ABCB11: variants seen among roughly 807,000 people sequenced by gnomAD.
ABCB11 encodes the protein bile salt export pump.
Under a neutral mutation model 148.0 loss-of-function variants are expected in ABCB11, and 95 were observed. The observed-to-expected ratio is 0.64, with a 90% confidence interval of 0.54 to 0.76. ABCB11 has a LOEUF of 0.76. Among genes scored for constraint, ABCB11 ranks in the 30% least tolerant of loss-of-function variants. ABCB11 has a pLI of 0.00. For missense variants in ABCB11, 1,523 were observed against 1,617.8 expected (o/e 0.94, Z 1.01); for synonymous variants, 591 against 555.4 (o/e 1.06, Z -0.90).
intron 15 of ABCB11, 71 bp downstream of exon 15, chr2:168,969,974 G>A: frequency 7.7e-7 from 1 of 1,298,878 alleles, no homozygotes; most frequent in Non-Finnish European, 1.1e-6. Context: ...ACCCCACAAG[G>A]AGCTGCCTTT....
At chr2:169,021,784 A>C (rs1206986629) in intron 1 of ABCB11, among the ~76,000 whole-genome samples, 2 of 152,196 alleles carry the variant, frequency 1.3e-5, no homozygotes, top group Admixed American at 6.5e-5. Context: ...GATTTTCATG[A>C]CAAATTTCAT....
chr2:169,015,529 C>T (rs927938040), intron 3 of ABCB11, among the ~76,000 whole-genome samples: 3 of 152,058 alleles, frequency 2.0e-5, no homozygotes, highest in African/African-American at 4.8e-5. Flanking sequence ...CCTCTGGGTG[C>T]GGGCACCTGC....
rs867525294 is a variant in ABCB11, at chr2:168,964,289, A to G, written c.2095T>C (p.Ser699Pro). Residue 699 changes from serine to proline, a missense_variant, in exon 18 of 28, where the codon TCC becomes CCC. Ser to Pro is a moderately conservative substitution (Grantham distance 74). Transcript: ENST00000650372. ...ACCAGGTAAGAAAGCTGAGACTTGG[A>G]GCGTTGCCGGATGGAAGCCCTGTAA... is the stretch of plus-strand genomic sequence containing the variant. ...DSLRASIRQRSKSQLSYLVHE... is the reference protein window; with the variant it reads ...DSLRASIRQRPKSQLSYLVHE... The G allele has an allele frequency of 2.6e-6, 4 of 1,567,028 alleles. No homozygotes were observed. Among genetic ancestry groups the G allele is most frequent in the Non-Finnish European group, 3.5e-6 (4 of 1,154,140 alleles).
intron 21 of ABCB11, 51 bp downstream of exon 21, chr2:168,944,554 A>T: frequency 6.6e-7 from 1 of 1,520,208 alleles, no homozygotes; most frequent in South Asian, 1.3e-5. Context: ...TGCTCTAATG[A>T]AAGAATGCCA....
intron 10 of ABCB11, among the ~76,000 whole-genome samples, chr2:168,981,784 G>A (rs1432584688): frequency 1.3e-5 from 2 of 152,168 alleles, no homozygotes; most frequent in Non-Finnish European, 2.9e-5. Flanking sequence ...TATGGGCTCT[G>A]AAGTAATTAC....
intron 11 of ABCB11, among the ~76,000 whole-genome samples, 181 bp from the exon 12 acceptor site, chr2:168,976,868 A>G (rs1693929010): frequency 1.3e-5 from 2 of 150,976 alleles, no homozygotes; most frequent in African/African-American, 4.9e-5. Flanking sequence ...CTTAGTTTGC[A>G]TGTATCTTAA....
intron 17 of ABCB11, among the ~76,000 whole-genome samples, chr2:168,965,607 G>C (rs1249244557): frequency 6.6e-6 from 1 of 151,748 alleles, no homozygotes; most frequent in Non-Finnish European, 1.5e-5. Context: ...TCAGTCATTT[G>C]TAAACAGTCT....
Position 169,013,529 on chromosome 2 carries a change from C to T in ABCB11, c.151-19G>A, listed in dbSNP as rs1212169792. The T allele has an allele frequency of 3.8e-6, 6 of 1,598,626 alleles. No individual in the cohort carries two copies. Among genetic ancestry groups the T allele is most frequent in the Non-Finnish European group, 5.1e-6 (6 of 1,167,420 alleles). On this transcript the variant is annotated intron_variant, in intron 4 of 27. Coordinates refer to ENST00000650372, the MANE Select transcript of ABCB11 (RefSeq NM_003742.4). Reference sequence around the variant, plus strand: ...ACCGAAACTTGAAAAACAAAGGGTTCAGAGATCATCTATGGGTGAAGAGCA... The same window carrying T: ...ACCGAAACTTGAAAAACAAAGGGTTTAGAGATCATCTATGGGTGAAGAGCA...
chr2:168,935,154 C>G, intron 23 of ABCB11, 30 bp downstream of exon 23: 2 of 1,611,816 alleles, frequency 1.2e-6, no homozygotes, highest in Non-Finnish European at 8.5e-7. Context: ...GTGTGTTGAT[C>G]TTTTCTCACC....
chr2:168,971,208 G>A (rs920309445), intron 14 of ABCB11, among the ~76,000 whole-genome samples: 1 of 151,968 alleles, frequency 6.6e-6, no homozygotes, highest in African/African-American at 2.4e-5. Context: ...TGCTCAACAG[G>A]GTTGTTGTGA....
chr2:169,003,998 T>C lies in ABCB11; in HGVS notation c.390-7276A>G, dbSNP rs12622271. On this transcript the variant is annotated intron_variant, in intron 5 of 27. Transcript: ENST00000650372. ...TAGGACCCCAATCCCTTCTAGCTTG[T>C]AGGGTTTCTGCTGAGAAGTCTGTTT... Among the ~76,000 whole-genome samples, 1,849 of 152,308 alleles carry C rather than the reference T, an allele frequency of 0.012. 138 individuals carry two copies. The East Asian group carries it at 0.23, about 19-fold the overall frequency.
At chr2:169,020,965 C>A (rs1022860992) in intron 1 of ABCB11, among the ~76,000 whole-genome samples, 1 of 145,768 alleles carries the variant, frequency 6.9e-6, no homozygotes, top group Non-Finnish European at 1.5e-5. Flanking sequence ...AAGACATACA[C>A]TTTTTTTTTT....
intron 11 of ABCB11, among the ~76,000 whole-genome samples, 160 bp downstream of exon 11, chr2:168,979,706 G>A (rs1694067937): frequency 6.7e-6 from 1 of 148,470 alleles, no homozygotes; most frequent in Admixed American, 6.7e-5. Flanking sequence ...AAAAGAATTG[G>A]CACCAGCACA....
intron 6 of ABCB11, 112 bp from the exon 7 acceptor site, chr2:168,995,594 T>C (rs1290969685): frequency 2.0e-5 from 23 of 1,165,614 alleles, no homozygotes; most frequent in African/African-American, 3.2e-5. Context: ...GGGAAAGTAA[T>C]TCAGAAAATG....
chr2:169,005,532 G>A (rs1003992260), intron 5 of ABCB11, among the ~76,000 whole-genome samples: 2 of 152,068 alleles, frequency 1.3e-5, no homozygotes, highest in African/African-American at 4.8e-5. Context: ...CAGTACTAGA[G>A]GTTAATCTCA....
At chr2:168,917,145 T>C (rs1449032071), downstream of ABCB11, among the ~76,000 whole-genome samples, 3 of 152,128 alleles carry the variant, frequency 2.0e-5, no homozygotes, top group Non-Finnish European at 4.4e-5. Flanking sequence ...TGAAATAATT[T>C]CCTAAGGGCA....
chr2:168,963,746 T>A (rs1488594032), intron 18 of ABCB11, among the ~76,000 whole-genome samples: 1 of 151,848 alleles, frequency 6.6e-6, no homozygotes, highest in Non-Finnish European at 1.5e-5. Flanking sequence ...TTTGATAACT[T>A]GTAATAAGGG....
intron 1 of ABCB11, among the ~76,000 whole-genome samples, chr2:169,024,437 CA>C (rs1480082726): frequency 3.3e-5 from 5 of 151,574 alleles, no homozygotes; most frequent in Non-Finnish European, 7.4e-5. Flanking sequence ...CAAATTAGAG[CA>C]GTTTTGATTT....
chr2:168,962,051 A>G (rs1693102501), intron 18 of ABCB11, among the ~76,000 whole-genome samples: 1 of 151,756 alleles, frequency 6.6e-6, no homozygotes. Context: ...TCATAAGTCA[A>G]ATTTTATTAA....
Sources: gnomAD v4.1 joint callset for allele counts (sites outside exome capture counted in the v4.1 genomes callset) on GRCh38, gnomAD v4.1.1 for gene constraint, MANE v1.5 for transcripts, NCBI Gene and HGNC (gene_info 2026-07-23, HGNC 2026-07-21) for gene names.